Variants in SCAMP2 observed in about 807,000 individuals in gnomAD.
SCAMP2 encodes secretory carrier membrane protein 2.
Under a neutral mutation model 44.1 loss-of-function variants are expected in SCAMP2, and 25 were observed. The observed-to-expected ratio is 0.57, with a 90% confidence interval of 0.41 to 0.79. The LOEUF is 0.79. SCAMP2 is among the 30% of genes least tolerant of loss of function. The pLI, the probability that SCAMP2 is intolerant of heterozygous loss-of-function variation, is 0.00. For synonymous variants in SCAMP2, 156 were observed against 166.0 expected (o/e 0.94, Z 0.46); for missense variants, 355 against 411.0 (o/e 0.86, Z 1.18).
intron 1 of SCAMP2, among the ~76,000 whole-genome samples, chr15:74,854,947 T>C (rs1187971400): frequency 1.3e-5 from 2 of 151,026 alleles, no homozygotes; most frequent in African/African-American, 4.9e-5. Flanking sequence ...TTCAAAATGG[T>C]TCATAGTATT....
intron 1 of SCAMP2, among the ~76,000 whole-genome samples, chr15:74,870,934 G>A (rs1254557246): frequency 2.6e-5 from 4 of 152,190 alleles, no homozygotes; most frequent in African/African-American, 9.6e-5. Flanking sequence ...AGCTGCCAAT[G>A]ACCAAAATAA....
chr15:74,850,729 C>G, intron 5 of SCAMP2, 56 bp from the exon 6 acceptor site: 6 of 1,582,826 alleles, frequency 3.8e-6, no homozygotes, highest in Non-Finnish European at 5.2e-6. Context: ...TGAGGGGCTC[C>G]AATGTGGCAG....
intron 1 of SCAMP2, among the ~76,000 whole-genome samples, chr15:74,866,803 T>C (rs1263953285): frequency 1.3e-5 from 2 of 150,216 alleles, no homozygotes; most frequent in Admixed American, 6.6e-5. Context: ...TCTTTCTTTT[T>C]TTTTTTTTTT....
At chr15:74,865,569 G>A (rs1334488543) in intron 1 of SCAMP2, among the ~76,000 whole-genome samples, 1 of 151,726 alleles carries the variant, frequency 6.6e-6, no homozygotes, top group African/African-American at 2.4e-5. Context: ...GAAGGTGCAG[G>A]TGTGAGTTTG....
At chr15:74,854,743 G>T in intron 1 of SCAMP2, 94 bp from the exon 2 acceptor site, 2 of 1,117,584 alleles carry the variant, frequency 1.8e-6, no homozygotes, top group Non-Finnish European at 2.6e-6. Flanking sequence ...AAGCAGGGCA[G>T]CTGATCACCC....
intron 1 of SCAMP2, among the ~76,000 whole-genome samples, chr15:74,866,018 A>AAGGAAGGAAGGAAG: frequency 1.9e-5 from 1 of 52,792 alleles, no homozygotes; most frequent in Non-Finnish European, 3.5e-5. Context: ...AAGGAAGGAA[A>AAGGAAGGAAGGAAG]GGAGGGAGGG....
rs1406055749 is a variant in SCAMP2 at position 74,845,107 on chromosome 15, G to T, written c.966C>A (p.Ala322=). 6 of 1,613,828 alleles carry T rather than the reference G, an allele frequency of 3.7e-6. No individual in the cohort carries two copies. In the African/African-American group the frequency reaches 8.0e-5, roughly 22 times the overall value. The part of the protein sequence containing the change: ...RTFHRAASSA[A]QGAFQGN ...ACTAATTCCCCTGGAAGGCTCCTTG[G>T]GCAGCAGATGAAGCAGCTCTGTGGA... Residue 322 remains alanine, a synonymous_variant, in exon 9 of 9, where the codon GCC becomes GCA. Transcript: ENST00000268099.
chr15:74,861,570 A>G (rs2064503418), intron 1 of SCAMP2, among the ~76,000 whole-genome samples: 1 of 152,198 alleles, frequency 6.6e-6, no homozygotes, highest in South Asian at 2.1e-4. Flanking sequence ...AACGCCACTA[A>G]GCATCACAGC....
At chr15:74,854,876 A>G (rs901553431) in intron 1 of SCAMP2, among the ~76,000 whole-genome samples, 1 of 151,992 alleles carries the variant, frequency 6.6e-6, no homozygotes, top group East Asian at 1.9e-4. Context: ...ACCCAGAGCA[A>G]GCTTTACCCA....
chr15:74,851,956 C>T (rs988403420), intron 4 of SCAMP2, 113 bp downstream of exon 4: 8 of 637,484 alleles, frequency 1.3e-5, no homozygotes, highest in Non-Finnish European at 2.1e-5. Flanking sequence ...TGAGAAGAGC[C>T]CCACAAAACT....
intron 7 of SCAMP2, among the ~76,000 whole-genome samples, chr15:74,847,812 G>A (rs1356839977): frequency 6.6e-6 from 1 of 152,214 alleles, no homozygotes; most frequent in Non-Finnish European, 1.5e-5. Context: ...CAAACCAGCC[G>A]TATGCTCAAA....
chr15:74,872,337 C>T (rs536396512), intron 1 of SCAMP2, among the ~76,000 whole-genome samples: 27 of 151,234 alleles, frequency 1.8e-4, no homozygotes, highest in Admixed American at 1.5e-3. Flanking sequence ...TGCTTGAACT[C>T]GGGAGGCAGA....
chr15:74,873,191 G>A lies in SCAMP2; in HGVS notation c.57+8C>T, dbSNP rs1456304557. On this transcript the variant is annotated splice_region_variant and intron_variant, in intron 1 of 8. Transcript: ENST00000268099. ...TCTGAGAGCTGGATGGCGGGAGAGG[G>A]GCTCTACCTGGAAGGGGTTTACATC... is the stretch of plus-strand genomic sequence containing the variant. 3.5e-6 allele frequency: 5 copies of A among 1,437,758 alleles called. No homozygotes were observed. In the South Asian group the frequency reaches 4.5e-5, roughly 13 times the overall value. The allele number at this position is 1,437,758 out of a possible 1,614,324, so 89.1% of individuals were successfully genotyped here.
At position 74,852,091 on chromosome 15, in the gene SCAMP2, C is replaced by A; in HGVS notation, c.321G>T (p.Gln107His). 1 of 1,587,650 alleles carries A rather than the reference C, an allele frequency of 6.3e-7. No individual in the cohort carries two copies. The highest frequency in any genetic ancestry group is 1.1e-5 in the South Asian group (1 of 87,390). ...TACCATGCAAGTTGGCTACAGTGTT[C>A]TGCAGCTCCCGCTCCTTGCGTTCCA... is the stretch of plus-strand genomic sequence containing the variant. Reference protein sequence around the residue: ...AELERKERELQNTVANLHVRQ... With the variant: ...AELERKERELHNTVANLHVRQ... Residue 107 changes from glutamine to histidine, a missense_variant, in exon 4 of 9, where the codon CAG becomes CAT. Physicochemically the swap from Gln to His is conservative, Grantham distance 24. Transcript: ENST00000268099.
intron 1 of SCAMP2, among the ~76,000 whole-genome samples, chr15:74,860,230 C>T (rs981888343): frequency 8.6e-5 from 13 of 151,970 alleles, no homozygotes; most frequent in Non-Finnish European, 1.9e-4. Context: ...ATATGGCCAA[C>T]ATGGTAAAAC....
intron 1 of SCAMP2, 116 bp downstream of exon 1, chr15:74,873,083 T>G: frequency 1.1e-6 from 1 of 892,024 alleles, no homozygotes; most frequent in Non-Finnish European, 1.6e-6. Flanking sequence ...CGCTCTCCCA[T>G]TGGGCAGATG....
At chr15:74,864,298 TGATCC>T (rs1407799643) in intron 1 of SCAMP2, among the ~76,000 whole-genome samples, 1 of 152,190 alleles carries the variant, frequency 6.6e-6, no homozygotes, top group African/African-American at 2.4e-5. Context: ...CCTGACCTTG[TGATCC>T]GTCCGCCTTG....
chr15:74,847,339 C>T (rs1023911873), intron 7 of SCAMP2, among the ~76,000 whole-genome samples: 1 of 152,144 alleles, frequency 6.6e-6, no homozygotes, highest in Non-Finnish European at 1.5e-5. Flanking sequence ...GGTGATCCAC[C>T]CGCCTTGGCC....
At chr15:74,860,778 A>C (rs1373126522) in intron 1 of SCAMP2, among the ~76,000 whole-genome samples, 1 of 151,354 alleles carries the variant, frequency 6.6e-6, no homozygotes, top group African/African-American at 2.4e-5. Flanking sequence ...ACTTGAACCC[A>C]GGAGGAGGCT....
Sources: gnomAD v4.1 joint callset for allele counts (sites outside exome capture counted in the v4.1 genomes callset) on GRCh38, gnomAD v4.1.1 for gene constraint, MANE v1.5 for transcripts, NCBI Gene and HGNC (gene_info 2026-07-23, HGNC 2026-07-21) for gene names.